Variants in CSMD1 observed in about 807,000 individuals in gnomAD.
CSMD1 encodes CUB and sushi domain-containing protein 1.
Under a neutral mutation model 417.5 loss-of-function variants are expected in CSMD1, and 213 were observed. That is an observed-to-expected ratio of 0.51 (90% CI 0.46 to 0.57). The LOEUF is 0.57. Among genes scored for constraint, CSMD1 ranks in the 20% least tolerant of loss-of-function variants. CSMD1 has a pLI of 0.00. For synonymous variants in CSMD1, 2,862 were observed against 1,736.8 expected (o/e 1.65, Z -16.11); for missense variants, 6,923 against 4,529.7 (o/e 1.53, Z -15.17).
chr8:3,008,219 T>C (rs1170568286), intron 52 of CSMD1, among the ~76,000 whole-genome samples: 1 of 152,156 alleles, frequency 6.6e-6, no homozygotes, highest in Non-Finnish European at 1.5e-5. Context: ...TCTTGATTGG[T>C]CAAGGTTTCC....
chr8:3,006,710 G>A lies in CSMD1; in HGVS notation c.8030-6579C>T, dbSNP rs1185023901. ...TTTAATAAATGGTGCTGGGAAAACT[G>A]GCTAGCCATATGTAGAAAGCTGAAA... On this transcript the variant is annotated intron_variant, in intron 52 of 69. Coordinates refer to ENST00000635120, the MANE Select transcript of CSMD1 (RefSeq NM_033225.6). Among the ~76,000 whole-genome samples the A allele has an allele frequency of 1.4e-4, 21 of 151,604 alleles. No homozygotes were observed. The South Asian group carries it at 3.5e-3, about 26-fold the overall frequency.
At chr8:4,354,701 A>G (rs930960940) in intron 3 of CSMD1, among the ~76,000 whole-genome samples, 2 of 152,142 alleles carry the variant, frequency 1.3e-5, no homozygotes, top group South Asian at 2.1e-4. Context: ...GTCACCGTGT[A>G]TATTTTTGAA....
intron 5 of CSMD1, among the ~76,000 whole-genome samples, chr8:3,995,877 C>G (rs556099101): frequency 1.3e-5 from 2 of 152,346 alleles, no homozygotes; most frequent in East Asian, 3.9e-4. Flanking sequence ...ATAGTTCCCA[C>G]TGATAACTTT....
intron 52 of CSMD1, among the ~76,000 whole-genome samples, chr8:3,002,904 C>T (rs989520376): frequency 2.0e-5 from 3 of 152,298 alleles, no homozygotes; most frequent in Non-Finnish European, 4.4e-5. Context: ...CAGAGGATGT[C>T]CTTCAAAAAC....
At chr8:4,044,919 T>C (rs1244963807) in intron 3 of CSMD1, among the ~76,000 whole-genome samples, 1 of 143,066 alleles carries the variant, frequency 7.0e-6, no homozygotes, top group Admixed American at 7.1e-5. Flanking sequence ...AAAAGTTAAA[T>C]TTAAAAAAAT....
rs533008930 is a variant in CSMD1, at chr8:4,607,543, C to T, written c.302+29799G>A. Among the ~76,000 whole-genome samples the T allele has an allele frequency of 2.8e-4, 43 of 152,220 alleles. No individual in the cohort carries two copies. In the South Asian group the frequency reaches 7.7e-3, roughly 27 times the overall value. ...GGATTCAACATGGTGCTGAATTTGA[C>T]CTAGGTTTCAACAAGGACCTCATTA... is the stretch of plus-strand genomic sequence containing the variant. On this transcript the variant is annotated intron_variant, in intron 2 of 69. Coordinates refer to ENST00000635120, the MANE Select transcript of CSMD1 (RefSeq NM_033225.6).
At chr8:3,285,263 C>T (rs967354469) in intron 25 of CSMD1, among the ~76,000 whole-genome samples, 1 of 152,064 alleles carries the variant, frequency 6.6e-6, no homozygotes, top group African/African-American at 2.4e-5. Flanking sequence ...CTTATGTCAC[C>T]CTGTGTAAGG....
At chr8:4,026,944 A>G (rs768689636) in intron 4 of CSMD1, among the ~76,000 whole-genome samples, 3 of 151,696 alleles carry the variant, frequency 2.0e-5, no homozygotes, top group Non-Finnish European at 1.5e-5. Flanking sequence ...ACAAACAAAC[A>G]AACTGAAAAC....
intron 3 of CSMD1, among the ~76,000 whole-genome samples, chr8:4,092,723 A>C (rs1196965719): frequency 6.6e-6 from 1 of 152,130 alleles, no homozygotes; most frequent in East Asian, 1.9e-4. Context: ...TAATTTTGAC[A>C]ACTTTTTAAC....
At chr8:3,086,950 A>T in intron 49 of CSMD1, 147 bp downstream of exon 49, 1 of 736,270 alleles carries the variant, frequency 1.4e-6, no homozygotes. Flanking sequence ...CATGGCCACT[A>T]GAAGGTTTAA....
At chr8:4,431,379 T>G (rs998456856) in intron 2 of CSMD1, among the ~76,000 whole-genome samples, 2 of 152,200 alleles carry the variant, frequency 1.3e-5, no homozygotes, top group Non-Finnish European at 2.9e-5. Flanking sequence ...AGGAATTCAT[T>G]GCACTTAGAA....
Position 4,328,888 on chromosome 8 carries a change from C to G in CSMD1, c.415+91065G>C, listed in dbSNP as rs138640502. ...TGAAACTCATAAAATGTCCTCATAA[C>G]ATTCATTTGTATATATTGGTAGTGT... is the stretch of plus-strand genomic sequence containing the variant. On this transcript the variant is annotated intron_variant, in intron 3 of 69. Coordinates refer to ENST00000635120, the MANE Select transcript of CSMD1 (RefSeq NM_033225.6). 1.4e-3 allele frequency among the ~76,000 whole-genome samples: 214 copies of G among 152,310 alleles called. 2 individuals are homozygous for G. The highest frequency in any genetic ancestry group is 2.2e-3 in the Non-Finnish European group (153 of 68,030).
chr8:3,425,209 C>T (rs1331512941), intron 12 of CSMD1, among the ~76,000 whole-genome samples: 1 of 152,202 alleles, frequency 6.6e-6, no homozygotes, highest in East Asian at 1.9e-4. Context: ...ATAGAGAAAG[C>T]ATAATACATA....
intron 2 of CSMD1, among the ~76,000 whole-genome samples, chr8:4,524,572 T>G (rs1011535108): frequency 4.8e-4 from 72 of 149,768 alleles, no homozygotes; most frequent in African/African-American, 1.7e-3. Context: ...ACTTGGTCTT[T>G]TTTTTTTTTT....
At chr8:3,553,231 G>T (rs1798995276) in intron 10 of CSMD1, among the ~76,000 whole-genome samples, 1 of 152,150 alleles carries the variant, frequency 6.6e-6, no homozygotes, top group Non-Finnish European at 1.5e-5. Context: ...AGATACCTAG[G>T]TAGGCTTTCA....
intron 2 of CSMD1, among the ~76,000 whole-genome samples, chr8:4,526,432 C>G (rs1320780769): frequency 6.6e-6 from 1 of 152,136 alleles, no homozygotes; most frequent in Non-Finnish European, 1.5e-5. Flanking sequence ...ATGCCTAGTA[C>G]TAAAAAACTA....
intron 23 of CSMD1, among the ~76,000 whole-genome samples, chr8:3,312,377 A>G (rs1031064807): frequency 2.6e-5 from 4 of 152,150 alleles, no homozygotes; most frequent in African/African-American, 7.2e-5. Flanking sequence ...TGACAGCATC[A>G]TTAAATTTAT....
chr8:3,558,414 G>A (rs1182693578), intron 10 of CSMD1, among the ~76,000 whole-genome samples: 4 of 149,516 alleles, frequency 2.7e-5, no homozygotes, highest in East Asian at 2.0e-4. Flanking sequence ...GATGAACGGT[G>A]CCTCAATGGT....
chr8:3,419,000 A>G (rs1467680237), intron 12 of CSMD1, among the ~76,000 whole-genome samples: 2 of 152,236 alleles, frequency 1.3e-5, no homozygotes, highest in Non-Finnish European at 2.9e-5. Context: ...TCATCTTGCT[A>G]TAGTGTTCCT....
Sources: gnomAD v4.1 joint callset for allele counts (sites outside exome capture counted in the v4.1 genomes callset) on GRCh38, gnomAD v4.1.1 for gene constraint, MANE v1.5 for transcripts, NCBI Gene and HGNC (gene_info 2026-07-23, HGNC 2026-07-21) for gene names.